The following CACNA1C variants were observed in gnomAD, a reference collection of about 807,000 sequenced individuals.
The protein encoded by CACNA1C is voltage-dependent L-type calcium channel subunit alpha-1C.
CACNA1C carries 30 observed loss-of-function variants against 229.0 expected under a neutral mutation model. The observed-to-expected ratio is 0.13, with a 90% CI of 0.10 to 0.18. The LOEUF (loss-of-function observed/expected upper bound fraction) is 0.18. CACNA1C is among the 10% of genes least tolerant of loss of function. The probability of loss-of-function intolerance (pLI) is 1.00; values close to 1 mark genes in which losing one functional copy is unlikely to be tolerated. For synonymous variants in CACNA1C, 1,114 were observed against 1,132.5 expected, an observed-to-expected ratio of 0.98 and a Z score of 0.33; for missense variants, 1,658 against 2,845.0, an observed-to-expected ratio of 0.58 and a Z score of 9.49.
chr12:2,462,213 C>CA (rs1337695512), intron 5 of CACNA1C, among the ~76,000 whole-genome samples: 18 of 151,804 alleles, frequency 1.2e-4, no homozygotes, highest in African/African-American at 4.4e-4. Flanking sequence ...GCTCAGCTCT[C>CA]TGCACAGGCC....
At chr12:2,472,083 A>G (rs1359352440) in intron 5 of CACNA1C, among the ~76,000 whole-genome samples, 1 of 152,190 alleles carries the variant, frequency 6.6e-6, no homozygotes, top group Non-Finnish European at 1.5e-5. Context: ...GATGTGCATC[A>G]TTATTATATT....
At chr12:2,592,830 A>G (rs1363359560) in intron 18 of CACNA1C, among the ~76,000 whole-genome samples, 1 of 151,300 alleles carries the variant, frequency 6.6e-6, no homozygotes, top group Non-Finnish European at 1.5e-5. Flanking sequence ...CCTTTCCCCA[A>G]CCTGCGGCCT....
At position 2,100,454 on chromosome 12, in the gene CACNA1C, G is replaced by A. The variant is rs141310468; in HGVS notation, c.50-14770G>A. On this transcript the variant is annotated intron_variant, in intron 1 of 46. Coordinates refer to ENST00000399655, the MANE Select transcript of CACNA1C (RefSeq NM_000719.7). ...TACACTCCAGCCTGGGAGACAGAGC[G>A]AGACTCCATCTCAAAAAAAAAAAAA... 6.3e-3 allele frequency among the ~76,000 whole-genome samples: 803 copies of A among 128,120 alleles called. 6 individuals carry two copies. The highest frequency in any genetic ancestry group is 0.022 in the African/African-American group (747 of 33,286). 84.1% of individuals were successfully genotyped at this position (128,120 alleles called of 152,430 possible).
At position 2,651,884 on chromosome 12, in the gene CACNA1C, G is replaced by A; in HGVS notation, c.4074+116G>A. On this transcript the variant is annotated intron_variant, in intron 32 of 46. Transcript: ENST00000399655. The surrounding 1 kb of genome is among the most constrained non-coding windows in gnomAD (Gnocchi z 5.4). ...TGGGGCCCTGCTCCTTCCTCTGTGT[G>A]GCAGAACTCGGCCGCTCTGCCTGGC... is the stretch of plus-strand genomic sequence containing the variant. The A allele has an allele frequency of 1.3e-6, 1 of 782,438 alleles. No individual in the cohort carries two copies. Among genetic ancestry groups the A allele is most frequent in the Non-Finnish European group, 2.0e-6 (1 of 506,252 alleles). The allele number at this position is 782,438 out of a possible 1,614,324, so 48.5% of individuals were successfully genotyped here. A position where few individuals can be genotyped will look rare whatever the true frequency, so the allele number is the denominator to read the frequency against.
chr12:2,098,893 A>G (rs1444831505), intron 1 of CACNA1C, among the ~76,000 whole-genome samples: 1 of 152,214 alleles, frequency 6.6e-6, no homozygotes, highest in African/African-American at 2.4e-5. Context: ...GGGGTGTGGT[A>G]TCATCTCAGT....
chr12:2,453,485 CTG>C (rs1177542016), intron 4 of CACNA1C, among the ~76,000 whole-genome samples: 1 of 152,190 alleles, frequency 6.6e-6, no homozygotes, highest in Non-Finnish European at 1.5e-5. Context: ...GTAGTGCACT[CTG>C]TGGCAATGAA....
intron 38 of CACNA1C, among the ~76,000 whole-genome samples, chr12:2,671,042 A>G (rs141881138): frequency 0.033 from 4,963 of 150,136 alleles, 283 homozygotes; most frequent in African/African-American, 0.11. Flanking sequence ...TTTAAATGGA[A>G]TCTCGCTCTG....
chr12:2,596,116 T>A, intron 20 of CACNA1C, 113 bp downstream of exon 20: 1 of 1,042,420 alleles, frequency 9.6e-7, no homozygotes, highest in Non-Finnish European at 1.4e-6. Context: ...GTGTCATAAT[T>A]AGATCCACAA....
At chr12:2,160,550 A>G (rs751304763) in intron 3 of CACNA1C, among the ~76,000 whole-genome samples, 4 of 152,236 alleles carry the variant, frequency 2.6e-5, no homozygotes, top group Non-Finnish European at 4.4e-5. Flanking sequence ...GTCTTGAAGA[A>G]TATTTGGAAA....
intron 3 of CACNA1C, among the ~76,000 whole-genome samples, chr12:2,380,986 G>A (rs1298812848): frequency 6.6e-6 from 1 of 152,206 alleles, no homozygotes; most frequent in Non-Finnish European, 1.5e-5. Flanking sequence ...GAGGGGGACT[G>A]AGGTGTGTGA....
Position 2,686,280 on chromosome 12 carries a change from C to G in CACNA1C, c.5784+11C>G. Reference sequence around the variant, plus strand: ...CTGGTTCATCATCAGGTAGCTCACACTTTTGGACAGGCCACTGTCACCTGC... The same window carrying G: ...CTGGTTCATCATCAGGTAGCTCACAGTTTTGGACAGGCCACTGTCACCTGC... On this transcript the variant is annotated intron_variant, in intron 45 of 46. Coordinates refer to ENST00000399655, the MANE Select transcript of CACNA1C (RefSeq NM_000719.7). 1 of 1,587,944 alleles carries G rather than the reference C, an allele frequency of 6.3e-7. No homozygotes were observed. Among genetic ancestry groups the G allele is most frequent in the Non-Finnish European group, 8.6e-7 (1 of 1,157,688 alleles).
At chr12:2,191,513 TACAC>T (rs1279721771) in intron 3 of CACNA1C, among the ~76,000 whole-genome samples, 1 of 152,096 alleles carries the variant, frequency 6.6e-6, no homozygotes, top group Non-Finnish European at 1.5e-5. Flanking sequence ...CTTTAATGTA[TACAC>T]ACACATACAC....
At chr12:2,376,364 A>G (rs573758300) in intron 3 of CACNA1C, among the ~76,000 whole-genome samples, 1 of 152,298 alleles carries the variant, frequency 6.6e-6, no homozygotes, top group South Asian at 2.1e-4. Context: ...ATAAACTACA[A>G]CTGGATGATG....
chr12:2,533,019 GA>G (rs1198909754), intron 9 of CACNA1C, among the ~76,000 whole-genome samples: 12 of 152,304 alleles, frequency 7.9e-5, no homozygotes, highest in African/African-American at 2.9e-4. Context: ...CAGCTCTCCT[GA>G]GAAATTACAG....
At position 2,410,050 on chromosome 12, in the gene CACNA1C, T is replaced by C. The variant is rs1325224139; in HGVS notation, c.478-38926T>C. 6.6e-6 allele frequency among the ~76,000 whole-genome samples: 1 copy of C among 152,144 alleles called. No homozygotes were observed. Among genetic ancestry groups the C allele is most frequent in the Non-Finnish European group, 1.5e-5 (1 of 68,024 alleles). On this transcript the variant is annotated intron_variant, in intron 3 of 46. Coordinates refer to ENST00000399655, the MANE Select transcript of CACNA1C (RefSeq NM_000719.7). The surrounding 1 kb of genome is among the most constrained non-coding windows in gnomAD (Gnocchi z 5.3). ...TTTCGCTCGGGGTGGGAATGAATCA[T>C]CCTCACCTGCCAGCCGCGGGCCTCA...
chr12:2,041,267 A>ATTATT (rs2050023838), intron 1 of CACNA1C, among the ~76,000 whole-genome samples: 8 of 99,388 alleles, frequency 8.0e-5, no homozygotes, highest in African/African-American at 3.4e-4. Flanking sequence ...TGCTAAGGGT[A>ATTATT]TTCTTTTTTT....
intron 39 of CACNA1C, among the ~76,000 whole-genome samples, chr12:2,675,767 T>C (rs1374141293): frequency 2.0e-5 from 3 of 152,206 alleles, no homozygotes; most frequent in Non-Finnish European, 4.4e-5. Context: ...ATGTGTGGCA[T>C]AAGCTTGAGA....
At chr12:2,683,723 CT>C (rs2097294315) in intron 43 of CACNA1C, among the ~76,000 whole-genome samples, 1 of 152,156 alleles carries the variant, frequency 6.6e-6, no homozygotes, top group Non-Finnish European at 1.5e-5. Flanking sequence ...TCCCACTTCT[CT>C]ATTATTTTCT....
In CACNA1C at chr12:2,479,771, A is replaced by G. The variant is rs2099661912; in HGVS notation, c.758-6333A>G. 6.6e-6 allele frequency among the ~76,000 whole-genome samples: 1 copy of G among 152,252 alleles called. No homozygotes were observed. Among genetic ancestry groups the G allele is most frequent in the Non-Finnish European group, 1.5e-5 (1 of 68,052 alleles). On this transcript the variant is annotated intron_variant, in intron 5 of 46. Transcript: ENST00000399655. This position sits in a 1 kb window ranked among gnomAD's most constrained non-coding sequence, Gnocchi z 4.3. Reference sequence around the variant, plus strand: ...GCCCCACTCCTGGGAAGCCCTGACTACATCGGGATTGGGGATATCACATGT... The same window carrying G: ...GCCCCACTCCTGGGAAGCCCTGACTGCATCGGGATTGGGGATATCACATGT...
Sources: allele counts gnomAD v4.1 joint callset (sites outside exome capture counted in the v4.1 genomes callset), GRCh38; gene constraint gnomAD v4.1.1; non-coding constraint Gnocchi (gnomAD v3.1); transcripts MANE v1.5; gene names NCBI Gene and HGNC (gene_info 2026-07-23, HGNC 2026-07-21).